VWC2: variants seen among roughly 807,000 people sequenced by gnomAD.
VWC2 encodes the protein brorin.
Under a neutral mutation model 29.8 loss-of-function variants are expected in VWC2, and 14 were observed. That is an observed-to-expected ratio of 0.47 (90% CI 0.31 to 0.74). The LOEUF is 0.74. VWC2 is among the 30% of genes least tolerant of loss of function. VWC2 has a pLI of 0.05. For synonymous variants in VWC2, 213 were observed against 199.0 expected, an observed-to-expected ratio of 1.07 and a Z score of -0.59; for missense variants, 457 against 459.8, an observed-to-expected ratio of 0.99 and a Z score of 0.05.
At chr7:49,831,214 G>A (rs1312873748) in intron 3 of VWC2, among the ~76,000 whole-genome samples, 1 of 152,102 alleles carries the variant, frequency 6.6e-6, no homozygotes, top group Non-Finnish European at 1.5e-5. Flanking sequence ...GGCTTATGGT[G>A]GTGGCTATCT....
chr7:49,842,155 ACCGCGCCTGG>A (rs201783514), intron 3 of VWC2, among the ~76,000 whole-genome samples: 1 of 152,188 alleles, frequency 6.6e-6, no homozygotes, highest in East Asian at 1.9e-4. Context: ...TGTGTGAGCC[ACCGCGCCTGG>A]CCAATTCAAC....
intron 3 of VWC2, among the ~76,000 whole-genome samples, chr7:49,908,622 C>A (rs1215518688): frequency 6.6e-6 from 1 of 151,126 alleles, no homozygotes; most frequent in Admixed American, 6.6e-5. Flanking sequence ...GAAGGGCCAC[C>A]CCAGTCAGTA....
At chr7:49,795,349 G>A (rs931918423) in intron 2 of VWC2, among the ~76,000 whole-genome samples, 8 of 152,188 alleles carry the variant, frequency 5.3e-5, no homozygotes, top group Admixed American at 2.0e-4. Flanking sequence ...AGAGTTAGAC[G>A]TCTGGAATGG....
chr7:49,821,302 G>A (rs558978638), intron 3 of VWC2, among the ~76,000 whole-genome samples: 11 of 152,298 alleles, frequency 7.2e-5, no homozygotes, highest in Non-Finnish European at 1.5e-5. Flanking sequence ...ATTTGCTGAA[G>A]AAACATCAGC....
chr7:49,909,780 G>A (rs1001354193), intron 3 of VWC2, among the ~76,000 whole-genome samples: 1 of 152,174 alleles, frequency 6.6e-6, no homozygotes, highest in Non-Finnish European at 1.5e-5. Context: ...CAGAACCTTA[G>A]GGCAGTGTCT....
At chr7:49,856,526 G>A (rs909862293) in intron 3 of VWC2, among the ~76,000 whole-genome samples, 7 of 152,088 alleles carry the variant, frequency 4.6e-5, no homozygotes, top group Non-Finnish European at 7.4e-5. Context: ...CAAAATGGAC[G>A]AATACAGCAG....
At chr7:49,777,447 GTTA>G (rs1490474032) in intron 2 of VWC2, among the ~76,000 whole-genome samples, 2 of 152,096 alleles carry the variant, frequency 1.3e-5, no homozygotes, top group African/African-American at 4.8e-5. Context: ...AGGAAACATG[GTTA>G]TTCATTCTGG....
At chr7:49,825,458 C>T (rs1459005737) in intron 3 of VWC2, among the ~76,000 whole-genome samples, 2 of 152,168 alleles carry the variant, frequency 1.3e-5, no homozygotes, top group Non-Finnish European at 2.9e-5. Context: ...TGGTTTTCTG[C>T]TCCTGCCTGG....
At chr7:49,817,979 G>T (rs551035203) in intron 3 of VWC2, among the ~76,000 whole-genome samples, 1 of 152,148 alleles carries the variant, frequency 6.6e-6, no homozygotes, top group Non-Finnish European at 1.5e-5. Flanking sequence ...TTATAATACT[G>T]GTTACAAATA....
intron 2 of VWC2, among the ~76,000 whole-genome samples, chr7:49,785,367 G>A (rs1453956383): frequency 6.6e-6 from 1 of 152,174 alleles, no homozygotes; most frequent in Non-Finnish European, 1.5e-5. Context: ...GAGAAATTTA[G>A]ATAGTTCCAA....
rs752189719 is a variant in VWC2 at position 49,775,783 on chromosome 7, C to A, written c.348C>A (p.Asp116Glu). The A allele has an allele frequency of 2.8e-5, 43 of 1,522,674 alleles. No individual in the cohort carries two copies. Among genetic ancestry groups the A allele is most frequent in the Non-Finnish European group, 3.4e-5 (39 of 1,136,216 alleles). The allele number at this position is 1,522,674 out of a possible 1,614,324, so 94.3% of individuals were successfully genotyped here. The change falls in exon 2 of 4, where the codon GAC becomes GAA. Residue 116 changes from aspartate (D) to glutamate (E), a missense_variant. Asp to Glu is a conservative substitution (Grantham distance 45, BLOSUM62 2). This residue lies in a region of VWC2 where 272 missense variants were observed against 202.7 expected (regional missense o/e 1.34). Transcript: ENST00000340652. ...ATCTGCAGGTCCGGCCCCGCGGGGA[C>A]ACCCCGCAGGCGGAAGCCCTGGCCG... ...AGDLQVRPRG[D>E]TPQAEALAAA...
intron 3 of VWC2, among the ~76,000 whole-genome samples, chr7:49,856,902 G>A (rs955111391): frequency 3.3e-5 from 5 of 150,778 alleles, no homozygotes; most frequent in Admixed American, 2.0e-4. Context: ...CCAGCTACTC[G>A]GGAGGCTGAG....
chr7:49,864,104 ATTGT>A (rs1195473080), intron 3 of VWC2, among the ~76,000 whole-genome samples: 4 of 151,980 alleles, frequency 2.6e-5, no homozygotes, highest in Admixed American at 1.3e-4. Context: ...GCGGGCTGTG[ATTGT>A]TTGTCTGTTT....
rs527391441 is a variant in VWC2 at position 49,830,519 on chromosome 7, C to G, written c.826+27679C>G. Reference sequence around the variant, plus strand: ...TTAACGCTACTCTTTCAGGTTTTCTCTTTTTTATTATTATTATACTTTAAG... The same window carrying G: ...TTAACGCTACTCTTTCAGGTTTTCTGTTTTTTATTATTATTATACTTTAAG... On this transcript the variant is annotated intron_variant, in intron 3 of 3. Transcript: ENST00000340652. Among the ~76,000 whole-genome samples, 7 of 152,202 alleles carry G rather than the reference C, an allele frequency of 4.6e-5. No homozygotes were observed. In the East Asian group the frequency reaches 1.4e-3, roughly 29 times the overall value.
chr7:49,907,126 A>G (rs1288717483), intron 3 of VWC2, among the ~76,000 whole-genome samples: 1 of 152,206 alleles, frequency 6.6e-6, no homozygotes, highest in Non-Finnish European at 1.5e-5. Flanking sequence ...AAAGCAAAGT[A>G]CACAGCATTA....
At chr7:49,858,358 T>C (rs1302908164) in intron 3 of VWC2, among the ~76,000 whole-genome samples, 1 of 152,034 alleles carries the variant, frequency 6.6e-6, no homozygotes, top group Non-Finnish European at 1.5e-5. Flanking sequence ...ATATACACCA[T>C]GGAATACTAT....
At chr7:49,893,231 A>C (rs1289128760) in intron 3 of VWC2, among the ~76,000 whole-genome samples, 1 of 152,164 alleles carries the variant, frequency 6.6e-6, no homozygotes, top group Non-Finnish European at 1.5e-5. Flanking sequence ...CAGGGTAATC[A>C]AGGAGTTATG....
At chr7:49,840,063 C>T (rs932008172) in intron 3 of VWC2, among the ~76,000 whole-genome samples, 6 of 152,216 alleles carry the variant, frequency 3.9e-5, no homozygotes, top group Non-Finnish European at 7.3e-5. Flanking sequence ...CACGGGCTGA[C>T]CAGGCTTCCG....
chr7:49,791,558 G>A (rs2128703849), intron 2 of VWC2, among the ~76,000 whole-genome samples: 1 of 152,312 alleles, frequency 6.6e-6, no homozygotes, highest in South Asian at 2.1e-4. Flanking sequence ...GGATATCCCA[G>A]CCTTTTGGGC....
Sources: gnomAD v4.1 joint callset for allele counts (sites outside exome capture counted in the v4.1 genomes callset) on GRCh38, gnomAD v4.1.1 for gene constraint, gnomAD v4.1.1 regional missense constraint, MANE v1.5 for transcripts, NCBI Gene and HGNC (gene_info 2026-07-23, HGNC 2026-07-21) for gene names.